The following MYO9A variants were observed in gnomAD, a reference collection of about 807,000 sequenced individuals.
MYO9A encodes the protein myosin IXA.
A neutral mutation model predicts 293.3 loss-of-function variants in MYO9A; 103 were observed. The observed-to-expected ratio is 0.35, with a 90% CI of 0.30 to 0.41. The LOEUF is 0.41. Ranked by LOEUF, MYO9A falls within the 10% of genes least tolerant of loss-of-function variation. The pLI, the probability that MYO9A is intolerant of heterozygous loss-of-function variation, is 1.00. For synonymous variants in MYO9A, 1,001 were observed against 1,035.7 expected (o/e 0.97, Z 0.64); for missense variants, 2,685 against 3,033.0 (o/e 0.89, Z 2.69).
chr15:72,022,483 T>C (rs908849170), intron 4 of MYO9A, among the ~76,000 whole-genome samples: 7 of 151,382 alleles, frequency 4.6e-5, no homozygotes, highest in Admixed American at 1.3e-4. Flanking sequence ...ATCACGCTAC[T>C]GCACTCCAGC....
chr15:71,837,779 A>C (rs2055000376), intron 39 of MYO9A, among the ~76,000 whole-genome samples: 1 of 152,158 alleles, frequency 6.6e-6, no homozygotes, highest in South Asian at 2.1e-4. Flanking sequence ...AGCTTTTAGA[A>C]ACATGAGAAA....
intron 6 of MYO9A, among the ~76,000 whole-genome samples, chr15:72,013,859 T>G (rs977870873): frequency 1.3e-5 from 2 of 152,204 alleles, no homozygotes; most frequent in East Asian, 3.8e-4. Flanking sequence ...GAGGTTGGAG[T>G]GCAGTGGCAC....
intron 1 of MYO9A, among the ~76,000 whole-genome samples, chr15:72,090,901 C>T (rs1329454794): frequency 1.3e-5 from 2 of 151,776 alleles, no homozygotes; most frequent in Admixed American, 1.3e-4. Flanking sequence ...GTGGCTCACA[C>T]CTGTAATCCC....
intron 6 of MYO9A, among the ~76,000 whole-genome samples, chr15:72,015,721 TC>T (rs1220453604): frequency 1.4e-5 from 2 of 139,352 alleles, no homozygotes; most frequent in Non-Finnish European, 3.0e-5. Flanking sequence ...AGAGTCTCGC[TC>T]TGTCGCCCAG....
rs967396895 is a variant in MYO9A at position 72,032,657 on chromosome 15, G to A, written c.841-69C>T. ...AATTTTTTTTTGGAGGGGGGATTAG[G>A]TCAGCTGCTTAGGTCAGCTCAGAGA... On this transcript the variant is annotated intron_variant, in intron 2 of 41. Transcript: ENST00000356056. The A allele has an allele frequency of 3.7e-5, 36 of 978,842 alleles. No homozygotes were observed. The Admixed American group carries it at 7.9e-4, about 21-fold the overall frequency. The allele number at this position is 978,842 out of a possible 1,614,324, so 60.6% of individuals were successfully genotyped here.
At chr15:72,075,818 C>T (rs1285400780) in intron 1 of MYO9A, among the ~76,000 whole-genome samples, 1 of 151,882 alleles carries the variant, frequency 6.6e-6, no homozygotes. Flanking sequence ...GTAATTTCTT[C>T]AGACTGAAGG....
At chr15:71,846,249 G>A (rs4511483) in intron 39 of MYO9A, among the ~76,000 whole-genome samples, 67,590 of 152,004 alleles carry the variant, frequency 0.44, 20,006 homozygotes, top group African/African-American at 0.84. Context: ...ACAATGAGCC[G>A]GAATAGCAGT....
chr15:71,875,174 G>C (rs966779319), intron 32 of MYO9A, among the ~76,000 whole-genome samples: 13 of 151,790 alleles, frequency 8.6e-5, no homozygotes, highest in South Asian at 6.2e-4. Flanking sequence ...ATATATGATA[G>C]ATATTATAAA....
intron 1 of MYO9A, among the ~76,000 whole-genome samples, chr15:72,066,606 G>A (rs757406693): frequency 6.6e-6 from 1 of 152,086 alleles, no homozygotes; most frequent in Non-Finnish European, 1.5e-5. Flanking sequence ...GACACCAGAA[G>A]CATGGTTTCC....
chr15:71,873,748 A>G (rs905382685), intron 32 of MYO9A, among the ~76,000 whole-genome samples: 1 of 152,172 alleles, frequency 6.6e-6, no homozygotes, highest in Admixed American at 6.5e-5. Flanking sequence ...CTGAATTATA[A>G]TAAAATAGTT....
At chr15:71,893,350 T>A (rs138789657) in intron 26 of MYO9A, 1 of 436,228 alleles carries the variant, frequency 2.3e-6, no homozygotes, top group African/African-American at 2.0e-5. Flanking sequence ...AAGGAATCTG[T>A]ATACATTACT....
intron 39 of MYO9A, among the ~76,000 whole-genome samples, chr15:71,842,915 A>AGG (rs142023177): frequency 0.022 from 3,205 of 149,014 alleles, 78 homozygotes; most frequent in African/African-American, 0.05. Context: ...TTGTGTATGC[A>AGG]TGTGTGTGTG....
At chr15:71,948,256 A>G (rs1456909951) in intron 15 of MYO9A, among the ~76,000 whole-genome samples, 3 of 152,200 alleles carry the variant, frequency 2.0e-5, no homozygotes, top group African/African-American at 7.2e-5. Context: ...AGAAGCCAAG[A>G]AAATATGTGT....
chr15:71,969,552 T>C (rs1445446164), intron 12 of MYO9A, among the ~76,000 whole-genome samples: 2 of 152,220 alleles, frequency 1.3e-5, no homozygotes, highest in Non-Finnish European at 2.9e-5. Context: ...TCTGCAAACT[T>C]ATATCTCACT....
At chr15:72,106,598 GT>G (rs879894427) in intron 1 of MYO9A, among the ~76,000 whole-genome samples, 21 of 151,452 alleles carry the variant, frequency 1.4e-4, no homozygotes, top group South Asian at 1.3e-3. Flanking sequence ...AAAATCAAGG[GT>G]TTTTTTTTAT....
Position 71,826,646 on chromosome 15 carries a change from A to G in MYO9A, c.7581T>C (p.Thr2527=), listed in dbSNP as rs1343283992. 8 of 1,612,922 alleles carry G rather than the reference A, an allele frequency of 5.0e-6. No individual in the cohort carries two copies. The highest frequency in any genetic ancestry group is 1.3e-5 in the African/African-American group (1 of 74,684). The stretch of plus-strand genomic sequence containing the variant: ...GGTTGGAGGTGCAGTCTGGGTCCAC[A>G]GTTTTTCTGCGGCCAGACATGACTG... ...EGTVMSGRRK[T]VDPDCTSNQQ... is the part of the protein sequence containing the mutation. Residue 2527 remains threonine (T), a synonymous_variant, in exon 42 of 42, where the codon ACT becomes ACC. Transcript: ENST00000356056.
chr15:71,830,276 ACCTGGATAGTTT>A lies in MYO9A; in HGVS notation c.6861_6872del (p.Asn2288_Gly2291del). On this transcript the variant is annotated inframe_deletion, in exon 40 of 42. Transcript: ENST00000356056. Reference sequence around the variant, plus strand: ...ACCGAACTACAACAGGAGACGATGGACCTGGATAGTTTCCTCGACGAATACGCCCCTTTCCCT... The same window carrying A: ...ACCGAACTACAACAGGAGACGATGGACCTCGACGAATACGCCCCTTTCCCT... The A allele has an allele frequency of 6.2e-7, 1 of 1,613,912 alleles. No individual in the cohort carries two copies. The highest frequency in any genetic ancestry group is 8.5e-7 in the Non-Finnish European group (1 of 1,179,936).
At chr15:71,938,527 C>T (rs2146003638) in intron 16 of MYO9A, among the ~76,000 whole-genome samples, 1 of 152,120 alleles carries the variant, frequency 6.6e-6, no homozygotes, top group Non-Finnish European at 1.5e-5. Context: ...GATTTCTCCA[C>T]AGAAAGCAGC....
At position 72,046,080 on chromosome 15, in the gene MYO9A, G is replaced by C. The variant is rs2078375858; in HGVS notation, c.484C>G (p.Leu162Val). ...CSLPDLNEKT[L>V]LENLRNRFKH... is the part of the protein sequence containing the mutation. ...AAGCGATTTCGTAGGTTTTCTAAGA[G>C]AGTTTTCTCATTCAAATCAGGTAAA... is the stretch of plus-strand genomic sequence containing the variant. Residue 162 changes from leucine to valine, a missense_variant, in exon 2 of 42, where the codon CTC becomes GTC. Transcript: ENST00000356056. 1.2e-6 allele frequency: 2 copies of C among 1,613,662 alleles called. No individual in the cohort carries two copies. Among genetic ancestry groups the C allele is most frequent in the African/African-American group, 2.7e-5 (2 of 74,858 alleles).
Sources: gnomAD v4.1 joint callset for allele counts (sites outside exome capture counted in the v4.1 genomes callset) on GRCh38, gnomAD v4.1.1 for gene constraint, MANE v1.5 for transcripts, NCBI Gene and HGNC (gene_info 2026-07-23, HGNC 2026-07-21) for gene names.